The following CRADD variants were observed in gnomAD, a reference collection of about 807,000 sequenced individuals.
CRADD encodes death domain-containing protein CRADD.
In CRADD, 9 loss-of-function variants were observed where a neutral mutation model predicts 15.5. The ratio of observed to expected loss-of-function variants is 0.58; its 90% CI spans 0.35 to 1.01. The LOEUF (loss-of-function observed/expected upper bound fraction) is 1.01, where lower values mean the gene tolerates loss of function less well. Among genes scored for constraint, CRADD ranks in the 50% least tolerant of loss-of-function variants. The pLI is 0.02. For synonymous variants in CRADD, 118 were observed against 107.6 expected (o/e 1.10, Z -0.60); for missense variants, 227 against 250.3 (o/e 0.91, Z 0.63).
At chr12:93,884,196 A>AAAGTACTGC (rs1491375181) in intron 2 of CRADD, among the ~76,000 whole-genome samples, 2 of 152,324 alleles carry the variant, frequency 1.3e-5, no homozygotes, top group East Asian at 3.9e-4. Context: ...GTCAAATAAC[A>AAAGTACTGC]AAGTACTGCA....
At chr12:93,866,403 G>C (rs1378175978) in intron 2 of CRADD, among the ~76,000 whole-genome samples, 2 of 152,168 alleles carry the variant, frequency 1.3e-5, no homozygotes, top group East Asian at 3.9e-4. Flanking sequence ...ATAACATAAT[G>C]TTTTTAATTG....
intron 2 of CRADD, among the ~76,000 whole-genome samples, chr12:93,868,238 A>G (rs990574416): frequency 2.6e-5 from 4 of 152,206 alleles, no homozygotes; most frequent in African/African-American, 9.7e-5. Context: ...AACTGAACAC[A>G]ACCAAAATGT....
chr12:93,722,304 G>A (rs1184885847), intron 2 of CRADD, among the ~76,000 whole-genome samples: 1 of 152,024 alleles, frequency 6.6e-6, no homozygotes, highest in Non-Finnish European at 1.5e-5. Flanking sequence ...AGTTTGAAAC[G>A]ATAGCCTAGG....
At chr12:93,836,216 T>G (rs1957971210) in intron 2 of CRADD, 1 of 152,176 alleles carries the variant, frequency 6.6e-6, no homozygotes, top group South Asian at 2.1e-4. Flanking sequence ...CCCACTTAAT[T>G]TTTTCCTCTT....
intron 2 of CRADD, among the ~76,000 whole-genome samples, chr12:93,745,567 G>A (rs1282388201): frequency 6.6e-6 from 1 of 152,300 alleles, no homozygotes; most frequent in East Asian, 1.9e-4. Context: ...ATAGGCAGCA[G>A]GTATGTTGAC....
chr12:93,707,824 G>C (rs1955983526), intron 2 of CRADD: 1 of 152,174 alleles, frequency 6.6e-6, no homozygotes, highest in Non-Finnish European at 1.5e-5. Context: ...TTACTCTCCT[G>C]AGGTTCAGGT....
intron 2 of CRADD, among the ~76,000 whole-genome samples, chr12:93,823,602 A>G (rs1264292153): frequency 5.3e-5 from 8 of 152,374 alleles, no homozygotes. Flanking sequence ...TTCATTCACT[A>G]TAATACCTCT....
intron 2 of CRADD, among the ~76,000 whole-genome samples, chr12:93,712,132 T>A (rs1423765013): frequency 6.6e-6 from 1 of 152,138 alleles, no homozygotes; most frequent in Non-Finnish European, 1.5e-5. Flanking sequence ...GCACTGACTG[T>A]TCTTTTTCTC....
At chr12:93,842,835 G>A (rs1282068636) in intron 2 of CRADD, among the ~76,000 whole-genome samples, 4 of 145,084 alleles carry the variant, frequency 2.8e-5, no homozygotes, top group Non-Finnish European at 4.5e-5. Context: ...AGAGTAGGGG[G>A]AGGTGTTTCC....
At position 93,873,579 on chromosome 12, in the gene CRADD, A is replaced by G. The variant is rs553861824; in HGVS notation, c.299-20471A>G. Among the ~76,000 whole-genome samples the G allele has an allele frequency of 5.9e-5, 9 of 152,086 alleles. No homozygotes were observed. The South Asian group carries it at 1.9e-3, about 32-fold the overall frequency. On this transcript the variant is annotated intron_variant, in intron 2 of 2. Coordinates refer to the CRADD transcript ENST00000548483. ...TCTGACTTTTATTATATTGAAGTAT[A>G]TTTCTTCTTTCCCCAGTTTTTTGAG...
In CRADD at chr12:93,779,057, T is replaced by G. The variant is rs184651526; in HGVS notation, c.299-70913T>G. 3.9e-5 allele frequency among the ~76,000 whole-genome samples: 6 copies of G among 152,142 alleles called. No individual in the cohort carries two copies. The East Asian group carries it at 1.2e-3, about 29-fold the overall frequency. On this transcript the variant is annotated intron_variant, in intron 2 of 2. Transcript: ENST00000332896. ...GTTAGTATAGACAAGTGAAAAAGAG[T>G]TTTATTTTGCTGGATTCTGATACTA...
intron 2 of CRADD, among the ~76,000 whole-genome samples, chr12:93,751,000 T>C (rs1956822439): frequency 6.6e-6 from 1 of 152,204 alleles, no homozygotes; most frequent in Non-Finnish European, 1.5e-5. Flanking sequence ...CCTCAGGGAA[T>C]GCTCTCACTG....
At chr12:93,812,205 A>T (rs943028044) in intron 2 of CRADD, among the ~76,000 whole-genome samples, 1 of 152,212 alleles carries the variant, frequency 6.6e-6, no homozygotes, top group Non-Finnish European at 1.5e-5. Flanking sequence ...TTACTCTATC[A>T]ATCATAGAAT....
At position 93,678,812 on chromosome 12, in the gene CRADD, G is replaced by T. The variant is rs534423825; in HGVS notation, c.38G>T (p.Arg13Leu). 9 of 1,613,968 alleles carry T rather than the reference G, an allele frequency of 5.6e-6. No homozygotes were observed. The highest frequency in any genetic ancestry group is 2.2e-5 in the East Asian group (1 of 44,906). Residue 13 changes from arginine (R) to leucine (L), a missense_variant, in exon 2 of 3, where the codon CGC (arginine) becomes CTC (leucine). Transcript: ENST00000332896. Reference protein sequence around the residue: ...ARDKQVLRSLRLELGAEVLVE... With the variant: ...ARDKQVLRSLLLELGAEVLVE... ...GACAAACAAGTACTCCGCTCACTTC[G>T]CCTGGAGCTGGGTGCAGAGGTATTG...
chr12:93,802,865 A>C (rs1957490819), intron 2 of CRADD, among the ~76,000 whole-genome samples: 1 of 152,142 alleles, frequency 6.6e-6, no homozygotes, highest in Non-Finnish European at 1.5e-5. Context: ...GTTTCTCTGG[A>C]GTAATGGAGA....
At chr12:93,811,241 C>T (rs1440954382) in intron 2 of CRADD, among the ~76,000 whole-genome samples, 1 of 152,214 alleles carries the variant, frequency 6.6e-6, no homozygotes, top group African/African-American at 2.4e-5. Flanking sequence ...GGCATGACTA[C>T]TTCTAGTGCC....
At chr12:93,753,990 G>A (rs977544215) in intron 2 of CRADD, among the ~76,000 whole-genome samples, 1 of 152,246 alleles carries the variant, frequency 6.6e-6, no homozygotes, top group Non-Finnish European at 1.5e-5. Flanking sequence ...CCTAGCATAG[G>A]TTCTCCATGA....
chr12:93,813,099 C>T (rs1293146464), intron 2 of CRADD, among the ~76,000 whole-genome samples: 2 of 152,146 alleles, frequency 1.3e-5, no homozygotes, highest in Non-Finnish European at 2.9e-5. Flanking sequence ...AGACAATGCA[C>T]AGAAAACTTT....
chr12:93,892,107 A>G (rs1958580238), intron 2 of CRADD, among the ~76,000 whole-genome samples: 1 of 152,148 alleles, frequency 6.6e-6, no homozygotes, highest in South Asian at 2.1e-4. Context: ...CGTTGTGCAC[A>G]AAGACCCCTG....
Sources: gnomAD v4.1 joint callset for allele counts (sites outside exome capture counted in the v4.1 genomes callset) on GRCh38, gnomAD v4.1.1 for gene constraint, MANE v1.5 for transcripts, NCBI Gene and HGNC (gene_info 2026-07-23, HGNC 2026-07-21) for gene names.